Variants in GNAZ observed in about 807,000 individuals in gnomAD.
GNAZ encodes G protein subunit alpha z.
A neutral mutation model predicts 25.4 loss-of-function variants in GNAZ; 3 were observed. The observed-to-expected ratio is 0.12, with a 90% CI of 0.05 to 0.30. The LOEUF (loss-of-function observed/expected upper bound fraction) is 0.30. Ranked by LOEUF, GNAZ falls within the 10% of genes least tolerant of loss-of-function variation. The pLI, the probability that GNAZ is intolerant of heterozygous loss-of-function variation, is 1.00. For missense variants in GNAZ, 241 were observed against 501.8 expected (o/e 0.48, Z 4.97); for synonymous variants, 211 against 205.7 (o/e 1.03, Z -0.22).
chr22:23,083,411 C>T (rs1208048225), intron 1 of GNAZ, among the ~76,000 whole-genome samples: 1 of 152,100 alleles, frequency 6.6e-6, no homozygotes, highest in African/African-American at 2.4e-5. Context: ...TTGCAGGCTG[C>T]TGGGAAAGGT....
chr22:23,089,358 G>C (rs2068899824), intron 1 of GNAZ, among the ~76,000 whole-genome samples: 1 of 152,154 alleles, frequency 6.6e-6, no homozygotes, highest in South Asian at 2.1e-4. Context: ...TGGAGGTTAC[G>C]GGCAGGGCAG....
intron 2 of GNAZ, among the ~76,000 whole-genome samples, chr22:23,119,791 C>T (rs998211703): frequency 1.9e-4 from 29 of 152,314 alleles, no homozygotes; most frequent in African/African-American, 5.5e-4. Flanking sequence ...TGCAGGCTTT[C>T]CTGACTCCTG....
At position 23,095,431 on chromosome 22, in the gene GNAZ, G is replaced by A. The variant is rs1439856126; in HGVS notation, c.-265G>A. The stretch of plus-strand genomic sequence containing the variant: ...GTCGCCGAGGACAGGGAATGACTAC[G>A]GCAAATCAGGCCACTTTGCCAACTA... On this transcript the variant is annotated 5_prime_UTR_variant, in exon 2 of 3. Coordinates refer to ENST00000615612, the MANE Select transcript of GNAZ (RefSeq NM_002073.4). 1.0e-5 allele frequency: 5 copies of A among 495,196 alleles called. No homozygotes were observed. Among genetic ancestry groups the A allele is most frequent in the Admixed American group, 3.7e-5 (1 of 26,964 alleles). The allele number at this position is 495,196 out of a possible 1,614,324, so 30.7% of individuals were successfully genotyped here.
chr22:23,092,753 C>T (rs993542357), intron 1 of GNAZ, among the ~76,000 whole-genome samples: 5 of 152,220 alleles, frequency 3.3e-5, no homozygotes, highest in Non-Finnish European at 1.5e-5. Context: ...CCAGGGAGCA[C>T]ATACATCCCA....
chr22:23,084,613 T>C (rs2068767430), intron 1 of GNAZ, among the ~76,000 whole-genome samples: 1 of 152,224 alleles, frequency 6.6e-6, no homozygotes, highest in Non-Finnish European at 1.5e-5. Context: ...GATGTGAACA[T>C]ATCCTTGCTC....
Position 23,096,085 on chromosome 22 carries a change from G to T in GNAZ, c.390G>T (p.Arg130=). 3.7e-6 allele frequency: 6 copies of T among 1,609,394 alleles called. No individual in the cohort carries two copies. The highest frequency in any genetic ancestry group is 5.1e-6 in the Non-Finnish European group (6 of 1,179,988). Residue 130 remains arginine (R), a synonymous_variant, in exon 2 of 3, where the codon CGG becomes CGT. Transcript: ENST00000615612. ...ITPELLGVMR[R]LWADPGAQAC... The stretch of plus-strand genomic sequence containing the variant: ...CCGAGCTGCTGGGTGTCATGCGACG[G>T]CTCTGGGCCGACCCAGGGGCACAGG...
At chr22:23,100,013 C>T (rs1252482461) in intron 2 of GNAZ, among the ~76,000 whole-genome samples, 1 of 152,286 alleles carries the variant, frequency 6.6e-6, no homozygotes, top group Non-Finnish European at 1.5e-5. Flanking sequence ...CAAATGTTCT[C>T]ATGTGGAAAC....
intron 1 of GNAZ, among the ~76,000 whole-genome samples, chr22:23,092,250 G>A (rs1242006756): frequency 5.9e-5 from 9 of 152,212 alleles, no homozygotes; most frequent in African/African-American, 1.9e-4. Context: ...CCTTGTGTAA[G>A]AGCCAAGAAG....
Position 23,079,731 on chromosome 22 carries a change from G to A in GNAZ, c.-450+9161G>A, listed in dbSNP as rs139486032. On this transcript the variant is annotated intron_variant, in intron 1 of 2. Coordinates refer to ENST00000615612, the MANE Select transcript of GNAZ (RefSeq NM_002073.4). ...AGATGAGAGGCTGGGGCTGGCTAGC[G>A]GGAGTGAGTGGTAGAATTCTGGACA... Among the ~76,000 whole-genome samples, 23 of 152,252 alleles carry A rather than the reference G, an allele frequency of 1.5e-4. No individual in the cohort carries two copies. In the East Asian group the frequency reaches 2.5e-3, roughly 17 times the overall value.
chr22:23,111,163 G>A (rs2069644787), intron 2 of GNAZ, among the ~76,000 whole-genome samples: 1 of 152,162 alleles, frequency 6.6e-6, no homozygotes, highest in South Asian at 2.1e-4. Flanking sequence ...CCGGGGAGTG[G>A]CCTCACTGTC....
In GNAZ at chr22:23,084,044, G is replaced by A. The variant is rs1249526447; in HGVS notation, c.-449-11203G>A. Among the ~76,000 whole-genome samples the A allele has an allele frequency of 4.6e-5, 7 of 152,200 alleles. 1 individual carries two copies. The highest frequency in any genetic ancestry group is 4.6e-4 in the Admixed American group (7 of 15,284). On this transcript the variant is annotated intron_variant, in intron 1 of 2. Coordinates refer to ENST00000615612, the MANE Select transcript of GNAZ (RefSeq NM_002073.4). ...TTCTTGTGGAGTTAACAAGGAGGGA[G>A]GGGTGAGCTATGCAGGCGATCTTTC...
chr22:23,100,557 A>G (rs554431124), intron 2 of GNAZ, among the ~76,000 whole-genome samples: 1 of 152,300 alleles, frequency 6.6e-6, no homozygotes, highest in African/African-American at 2.4e-5. Context: ...CTGGCCCTGG[A>G]TAGTGGTCCC....
At chr22:23,116,688 A>G (rs1197784611) in intron 2 of GNAZ, among the ~76,000 whole-genome samples, 2 of 152,144 alleles carry the variant, frequency 1.3e-5, no homozygotes, top group African/African-American at 4.8e-5. Context: ...GAGGCCCTGG[A>G]TGAGCCTCTC....
At chr22:23,090,949 G>A (rs867991026) in intron 1 of GNAZ, among the ~76,000 whole-genome samples, 15 of 152,178 alleles carry the variant, frequency 9.9e-5, no homozygotes, top group Non-Finnish European at 7.3e-5. Flanking sequence ...AGTAAGTGTG[G>A]GATGCTGGAG....
rs923972208 is a variant in GNAZ, at chr22:23,088,943, C to A, written c.-449-6304C>A. Among the ~76,000 whole-genome samples the A allele has an allele frequency of 3.3e-5, 5 of 152,250 alleles. No homozygotes were observed. The East Asian group carries it at 5.8e-4, about 18-fold the overall frequency. On this transcript the variant is annotated intron_variant, in intron 1 of 2. Coordinates refer to ENST00000615612, the MANE Select transcript of GNAZ (RefSeq NM_002073.4). The stretch of plus-strand genomic sequence containing the variant: ...GGCATGACTGCCTGTGCCTCTCCCC[C>A]AGTCACAGTCTGGGTACAGTTCCGT...
intron 1 of GNAZ, among the ~76,000 whole-genome samples, chr22:23,086,451 C>T (rs994765469): frequency 6.6e-6 from 1 of 152,254 alleles, no homozygotes; most frequent in Non-Finnish European, 1.5e-5. Context: ...CAGCTGTCCC[C>T]TGCGTGTCTC....
intron 1 of GNAZ, among the ~76,000 whole-genome samples, chr22:23,082,056 C>T (rs113780897): frequency 0.085 from 11,556 of 136,048 alleles, 1,549 homozygotes; most frequent in African/African-American, 0.29. Flanking sequence ...ACCCAGGACG[C>T]GGAGCTTGCA....
At chr22:23,106,935 G>A (rs1259417625) in intron 2 of GNAZ, among the ~76,000 whole-genome samples, 1 of 152,184 alleles carries the variant, frequency 6.6e-6, no homozygotes, top group Non-Finnish European at 1.5e-5. Context: ...CCTCCACACT[G>A]CACACACAGG....
intron 1 of GNAZ, among the ~76,000 whole-genome samples, chr22:23,074,712 T>C (rs563666518): frequency 2.6e-5 from 4 of 152,088 alleles, no homozygotes; most frequent in African/African-American, 9.6e-5. Context: ...AGATTGAGGA[T>C]TGACGGGCAA....
Sources: allele counts gnomAD v4.1 joint callset (sites outside exome capture counted in the v4.1 genomes callset), GRCh38; gene constraint gnomAD v4.1.1; transcripts MANE v1.5; gene names NCBI Gene and HGNC (gene_info 2026-07-23, HGNC 2026-07-21).